NEURL4: variants seen among roughly 807,000 people sequenced by gnomAD.
The protein encoded by NEURL4 is neuralized-like protein 4.
Under a neutral mutation model 148.0 loss-of-function variants are expected in NEURL4, and 45 were observed. The ratio of observed to expected loss-of-function variants is 0.30; its 90% CI spans 0.24 to 0.39. The LOEUF (loss-of-function observed/expected upper bound fraction) is 0.39. Among genes scored for constraint, NEURL4 ranks in the 10% least tolerant of loss-of-function variants. The probability of loss-of-function intolerance (pLI) is 1.00; values close to 1 mark genes in which losing one functional copy is unlikely to be tolerated. For synonymous variants in NEURL4, 854 were observed against 869.0 expected, an observed-to-expected ratio of 0.98 and a Z score of 0.30; for missense variants, 1,776 against 2,144.0, an observed-to-expected ratio of 0.83 and a Z score of 3.39.
Position 7,324,623 on chromosome 17 carries a change from G to A in NEURL4, c.1814-143C>T. ...TAGATTTCTTCCCTGAGCAGGACAAGAAAACTCTGCAGCTTCCAAGACAGC... is the reference window on the plus strand; with the variant it reads ...TAGATTTCTTCCCTGAGCAGGACAAAAAAACTCTGCAGCTTCCAAGACAGC... On this transcript the variant is annotated intron_variant, in intron 9 of 28. Coordinates refer to ENST00000399464, the MANE Select transcript of NEURL4 (RefSeq NM_032442.3). The surrounding 1 kb of genome is among the most constrained non-coding windows in gnomAD (Gnocchi z 5.9). 1 of 1,077,304 alleles carries A rather than the reference G, an allele frequency of 9.3e-7. No homozygotes were observed. The highest frequency in any genetic ancestry group is 1.4e-6 in the Non-Finnish European group (1 of 734,446). The allele number at this position is 1,077,304 out of a possible 1,614,324, so 66.7% of individuals were successfully genotyped here. A position where few individuals can be genotyped will look rare whatever the true frequency, so the allele number is the denominator to read the frequency against.
rs755552539 is a variant in NEURL4 at position 7,320,791 on chromosome 17, T to A, written c.3493A>T (p.Asn1165Tyr). Reference sequence around the variant, plus strand: ...AGCAGCTGGGGCACCAGAGGTTGGTTGATGACAACGATGCCCTGATTGTAG... The same window carrying A: ...AGCAGCTGGGGCACCAGAGGTTGGTAGATGACAACGATGCCCTGATTGTAG... The part of the protein sequence containing the change: ...ASYNQGIVVI[N>Y]QPLVPQLLVQ... Residue 1165 changes from asparagine to tyrosine, a missense_variant, in exon 21 of 29, where the codon AAC (asparagine) becomes TAC (tyrosine). Transcript: ENST00000399464. The A allele has an allele frequency of 1.2e-6, 2 of 1,613,926 alleles. No homozygotes were observed. Among genetic ancestry groups the A allele is most frequent in the Non-Finnish European group, 8.5e-7 (1 of 1,179,920 alleles).
chr17:7,317,648 C>T lies in NEURL4; in HGVS notation c.4206-75G>A, dbSNP rs574603996. 2.1e-3 allele frequency: 3,278 copies of T among 1,568,404 alleles called. 17 individuals carry two copies. The highest frequency in any genetic ancestry group is 7.3e-3 in the South Asian group (655 of 89,554). On this transcript the variant is annotated intron_variant, in intron 26 of 28. Coordinates refer to ENST00000399464, the MANE Select transcript of NEURL4 (RefSeq NM_032442.3). ...AGTGGAGGAGCTTCACGAGGCTCTT[C>T]CTTAGACAGGAAGTCCCTGGCACTT...
intron 1 of NEURL4, among the ~76,000 whole-genome samples, chr17:7,328,551 A>G (rs557683886): frequency 1.4e-3 from 219 of 152,202 alleles, no homozygotes; most frequent in Non-Finnish European, 2.4e-3. Context: ...TTACAGGCGC[A>G]CGCCACCATG....
chr17:7,322,622 C>T lies in NEURL4; in HGVS notation c.2725+113G>A, dbSNP rs572746150. 7.1e-5 allele frequency: 98 copies of T among 1,383,646 alleles called. No individual in the cohort carries two copies. The East Asian group carries it at 8.3e-4, about 12-fold the overall frequency. 85.7% of individuals were successfully genotyped at this position (1,383,646 alleles called of 1,614,324 possible). A position where few individuals can be genotyped will look rare whatever the true frequency, so the allele number is the denominator to read the frequency against. On this transcript the variant is annotated intron_variant, in intron 16 of 28. Coordinates refer to ENST00000399464, the MANE Select transcript of NEURL4 (RefSeq NM_032442.3). This position sits in a 1 kb window ranked among gnomAD's most constrained non-coding sequence, Gnocchi z 5.5. The stretch of plus-strand genomic sequence containing the variant: ...CCGTGGGCTGTCCCTTCCCTGGAGC[C>T]GGCAGCTACCCCAGCCAACCGTCTT...
Position 7,329,235 on chromosome 17 carries a change from G to A in NEURL4, c.78C>T (p.Ser26=). ...TGGACCCCGGTCCTGAGCCGCTCCC[G>A]CTGGGGCCCCCACCCCCGCCCGGCC... ...GPGPGGGGGP[S]GSGSGPGSNG... Residue 26 remains serine, a synonymous_variant, in exon 1 of 29, where the codon AGC becomes AGT. Coordinates refer to ENST00000399464, the MANE Select transcript of NEURL4 (RefSeq NM_032442.3). 1 of 1,509,814 alleles carries A rather than the reference G, an allele frequency of 6.6e-7. No individual in the cohort carries two copies. The highest frequency in any genetic ancestry group is 8.8e-7 in the Non-Finnish European group (1 of 1,135,930). 93.5% of individuals were successfully genotyped at this position (1,509,814 alleles called of 1,614,324 possible). A position where few individuals can be genotyped will look rare whatever the true frequency, so the allele number is the denominator to read the frequency against.
Position 7,327,323 on chromosome 17 carries a change from C to T in NEURL4, c.728-93G>A, listed in dbSNP as rs1336015828. ...AACCCCCCATCCTCTAGCTCCTGCT[C>T]TCCCATTCAACAGACTTGGGGATCA... On this transcript the variant is annotated intron_variant, in intron 2 of 28. Transcript: ENST00000399464. This position sits in a 1 kb window ranked among gnomAD's most constrained non-coding sequence, Gnocchi z 6.6. 21 of 1,451,562 alleles carry T rather than the reference C, an allele frequency of 1.4e-5. No homozygotes were observed. Among genetic ancestry groups the T allele is most frequent in the Non-Finnish European group, 2.0e-5 (21 of 1,076,120 alleles). The allele number at this position is 1,451,562 out of a possible 1,614,324, so 89.9% of individuals were successfully genotyped here. A position where few individuals can be genotyped will look rare whatever the true frequency, so the allele number is the denominator to read the frequency against.
rs994722839 is a variant in NEURL4 at position 7,324,657 on chromosome 17, T to C, written c.1813+142A>G. On this transcript the variant is annotated intron_variant, in intron 9 of 28. Coordinates refer to ENST00000399464, the MANE Select transcript of NEURL4 (RefSeq NM_032442.3). The surrounding 1 kb of genome is among the most constrained non-coding windows in gnomAD (Gnocchi z 5.9). ...GCAGCTTCCAAGACAGCCACAGCCC[T>C]GCCCACGGGACACTCTCTAGCCACT... The C allele has an allele frequency of 1.9e-6, 2 of 1,078,504 alleles. No individual in the cohort carries two copies. Among genetic ancestry groups the C allele is most frequent in the African/African-American group, 1.6e-5 (1 of 63,568 alleles). 66.8% of individuals were successfully genotyped at this position (1,078,504 alleles called of 1,614,324 possible).
chr17:7,323,416 A>C, intron 14 of NEURL4, 69 bp downstream of exon 14: 1 of 1,531,264 alleles, frequency 6.5e-7, no homozygotes, highest in Non-Finnish European at 9.0e-7. Flanking sequence ...CATAGGCCCA[A>C]ACCTTGCTTC....
rs1290948100 is a variant in NEURL4, at chr17:7,324,382, C to A, written c.1899+13G>T. 1 of 1,614,080 alleles carries A rather than the reference C, an allele frequency of 6.2e-7. No homozygotes were observed. Among genetic ancestry groups the A allele is most frequent in the Admixed American group, 1.7e-5 (1 of 60,026 alleles). On this transcript the variant is annotated intron_variant, in intron 10 of 28. Transcript: ENST00000399464. This position sits in a 1 kb window ranked among gnomAD's most constrained non-coding sequence, Gnocchi z 5.9. ...CCCGCTGCGGCCGCCAGGCGGCGCA[C>A]CCACTTTCCCACCTTGAGGCGGTCC...
Position 7,323,056 on chromosome 17 carries a change from C to T in NEURL4, c.2485G>A (p.Gly829Ser), listed in dbSNP as rs1449833030. 2 of 1,613,782 alleles carry T rather than the reference C, an allele frequency of 1.2e-6. No homozygotes were observed. The highest frequency in any genetic ancestry group is 1.7e-6 in the Non-Finnish European group (2 of 1,179,986). The change falls in exon 15 of 29, where the codon GGC becomes AGC. Residue 829 changes from glycine to serine, a missense_variant. Coordinates refer to ENST00000399464, the MANE Select transcript of NEURL4 (RefSeq NM_032442.3). The stretch of plus-strand genomic sequence containing the variant: ...ATCATGCCAATGCGTGCACCTGTGC[C>T]CAGCGCATCCAGGTCACACCCATAA... Reference protein sequence around the residue: ...NNYGCDLDALGTGARIGMMRT... With the variant: ...NNYGCDLDALSTGARIGMMRT...
chr17:7,318,803 TC>T lies in NEURL4; in HGVS notation c.3685-130del, dbSNP rs887596324. 1.2e-5 allele frequency: 13 copies of T among 1,092,278 alleles called. No homozygotes were observed. The African/African-American group carries it at 2.1e-4, about 17-fold the overall frequency. The allele number at this position is 1,092,278 out of a possible 1,614,324, so 67.7% of individuals were successfully genotyped here. ...TGCTTGCCCACTGCCGAGGTTCTCC[TC>T]CCACTGCAGTTACCTAGAGCCCCTC... On this transcript the variant is annotated intron_variant, in intron 22 of 28. Coordinates refer to ENST00000399464, the MANE Select transcript of NEURL4 (RefSeq NM_032442.3). This position sits in a 1 kb window ranked among gnomAD's most constrained non-coding sequence, Gnocchi z 4.3.
At chr17:7,317,133 C>T (rs1193165564) in intron 28 of NEURL4, 72 bp downstream of exon 28, 2 of 1,129,804 alleles carry the variant, frequency 1.8e-6, no homozygotes, top group East Asian at 2.6e-5. Flanking sequence ...ATCATGAAGA[C>T]CCCAGTGGCT....
rs766107321 is a variant in NEURL4 at position 7,322,823 on chromosome 17, C to T, written c.2637G>A (p.Val879=). ...TGGGGCCGGTGGCATTGGTGATGGA[C>T]ACTTGGACACACTGGCCATAGAGAT... is the stretch of plus-strand genomic sequence containing the variant. ...VVDLYGQCVQ[V]SITNATGPMD... Residue 879 remains valine, a synonymous_variant, in exon 16 of 29, where the codon GTG becomes GTA. Coordinates refer to ENST00000399464, the MANE Select transcript of NEURL4 (RefSeq NM_032442.3). The surrounding 1 kb of genome is among the most constrained non-coding windows in gnomAD (Gnocchi z 5.5). 1.2e-6 allele frequency: 2 copies of T among 1,614,044 alleles called. No homozygotes were observed. The highest frequency in any genetic ancestry group is 1.7e-6 in the Non-Finnish European group (2 of 1,179,972).
chr17:7,327,928 C>G lies in NEURL4; in HGVS notation c.283-44G>C. The G allele has an allele frequency of 6.9e-7, 1 of 1,454,652 alleles. No homozygotes were observed. The allele number at this position is 1,454,652 out of a possible 1,614,324, so 90.1% of individuals were successfully genotyped here. ...ACAGAGGCTTAGAATGGGCCACCCC[C>G]CATTCCACAGGCCACCATATCTTCC... is the stretch of plus-strand genomic sequence containing the variant. On this transcript the variant is annotated intron_variant, in intron 1 of 28. Coordinates refer to ENST00000399464, the MANE Select transcript of NEURL4 (RefSeq NM_032442.3). This position sits in a 1 kb window ranked among gnomAD's most constrained non-coding sequence, Gnocchi z 6.6.
chr17:7,327,084 T>C lies in NEURL4; in HGVS notation c.794-75A>G, dbSNP rs531280560. 6.3e-7 allele frequency: 1 copy of C among 1,599,450 alleles called. No homozygotes were observed. Among genetic ancestry groups the C allele is most frequent in the South Asian group, 1.1e-5 (1 of 90,862 alleles). On this transcript the variant is annotated intron_variant, in intron 3 of 28. Transcript: ENST00000399464. This position sits in a 1 kb window ranked among gnomAD's most constrained non-coding sequence, Gnocchi z 6.6. ...TACACCCCCAGACCTGGTGCCTCTC[T>C]CCCTACCCCTTCTCCTGAGGGCCCT...
chr17:7,325,862 T>TTC, intron 6 of NEURL4, 149 bp from the exon 7 acceptor site: 1 of 692,018 alleles, frequency 1.4e-6, no homozygotes, highest in Non-Finnish European at 2.6e-6. Context: ...ACATGACAAT[T>TTC]TCCACATTTC....
chr17:7,319,371 CCTCTTTTT>C (rs2072995469), intron 21 of NEURL4, among the ~76,000 whole-genome samples, 163 bp from the exon 22 acceptor site: 1 of 118,722 alleles, frequency 8.4e-6, no homozygotes, highest in Non-Finnish European at 1.8e-5. Flanking sequence ...TGTTTCTTTC[CCTCTTTTT>C]TTTTTTTTTT....
chr17:7,318,884 G>T lies in NEURL4; in HGVS notation c.3684+166C>A. The T allele has an allele frequency of 1.1e-6, 1 of 916,482 alleles. No individual in the cohort carries two copies. The allele number at this position is 916,482 out of a possible 1,614,324, so 56.8% of individuals were successfully genotyped here. ...GGCAGGGACACCGCAGGAAGCAGCA[G>T]GCCTAAGACTGACCAGGCAATGCTA... On this transcript the variant is annotated intron_variant, in intron 22 of 28. Transcript: ENST00000399464. The surrounding 1 kb of genome is among the most constrained non-coding windows in gnomAD (Gnocchi z 4.3).
In NEURL4 at chr17:7,324,612, G is replaced by A; in HGVS notation, c.1814-132C>T. 1.9e-6 allele frequency: 2 copies of A among 1,080,948 alleles called. No homozygotes were observed. The highest frequency in any genetic ancestry group is 2.7e-6 in the Non-Finnish European group (2 of 733,280). The allele number at this position is 1,080,948 out of a possible 1,614,324, so 67.0% of individuals were successfully genotyped here. On this transcript the variant is annotated intron_variant, in intron 9 of 28. Coordinates refer to ENST00000399464, the MANE Select transcript of NEURL4 (RefSeq NM_032442.3). The surrounding 1 kb of genome is among the most constrained non-coding windows in gnomAD (Gnocchi z 5.9). Reference sequence around the variant, plus strand: ...TCTTTGATGACTAGATTTCTTCCCTGAGCAGGACAAGAAAACTCTGCAGCT... The same window carrying A: ...TCTTTGATGACTAGATTTCTTCCCTAAGCAGGACAAGAAAACTCTGCAGCT...
Sources: allele counts gnomAD v4.1 joint callset (sites outside exome capture counted in the v4.1 genomes callset), GRCh38; gene constraint gnomAD v4.1.1; non-coding constraint Gnocchi (gnomAD v3.1); transcripts MANE v1.5; gene names NCBI Gene and HGNC (gene_info 2026-07-23, HGNC 2026-07-21).